GRIK2: variants seen among roughly 807,000 people sequenced by gnomAD.
The protein encoded by GRIK2 is glutamate ionotropic receptor kainate type subunit 2.
Under a neutral mutation model 100.3 loss-of-function variants are expected in GRIK2, and 32 were observed. That is an observed-to-expected ratio of 0.32 (90% CI 0.24 to 0.43). The LOEUF (loss-of-function observed/expected upper bound fraction) is 0.43. Among genes scored for constraint, GRIK2 ranks in the 20% least tolerant of loss-of-function variants. The probability of loss-of-function intolerance (pLI) is 1.00; values close to 1 mark genes in which losing one functional copy is unlikely to be tolerated. For missense variants in GRIK2, 843 were observed against 1,114.9 expected (o/e 0.76, Z 3.47); for synonymous variants, 417 against 389.4 (o/e 1.07, Z -0.83).
intron 10 of GRIK2, among the ~76,000 whole-genome samples, chr6:101,857,962 T>C (rs1272217740): frequency 1.3e-5 from 2 of 152,158 alleles, no homozygotes; most frequent in African/African-American, 2.4e-5. Flanking sequence ...ATTATGTTGG[T>C]CTCAGGGCTT....
intron 12 of GRIK2, among the ~76,000 whole-genome samples, chr6:101,892,769 T>C (rs1195817027): frequency 6.6e-6 from 1 of 151,738 alleles, no homozygotes; most frequent in Non-Finnish European, 1.5e-5. Flanking sequence ...CTTGGTAAAG[T>C]AATAACACAA....
chr6:101,988,162 C>A (rs1369596231), intron 14 of GRIK2, among the ~76,000 whole-genome samples: 1 of 127,826 alleles, frequency 7.8e-6, no homozygotes, highest in Non-Finnish European at 1.7e-5. Flanking sequence ...CGCGTGCGCG[C>A]ACATGCAAGA....
chr6:101,733,632 A>G (rs962377390), intron 7 of GRIK2, among the ~76,000 whole-genome samples: 2 of 151,228 alleles, frequency 1.3e-5, no homozygotes, highest in African/African-American at 4.9e-5. Context: ...TGGTAATATG[A>G]ATAGGCTGAG....
chr6:101,996,008 A>G (rs1794632479), intron 14 of GRIK2, among the ~76,000 whole-genome samples: 1 of 152,046 alleles, frequency 6.6e-6, no homozygotes, highest in Non-Finnish European at 1.5e-5. Flanking sequence ...TCTTTGTAGC[A>G]TCACTGCATG....
At chr6:101,698,671 A>G (rs1312777081) in intron 7 of GRIK2, among the ~76,000 whole-genome samples, 3 of 152,104 alleles carry the variant, frequency 2.0e-5, no homozygotes, top group African/African-American at 7.2e-5. Flanking sequence ...TATGCAATGT[A>G]TGGTATTATA....
chr6:101,835,464 CTTTTTTTTTTTTTTT>C (rs764148146), intron 10 of GRIK2, among the ~76,000 whole-genome samples: 3 of 89,020 alleles, frequency 3.4e-5, no homozygotes. Flanking sequence ...CTATGAGTTC[CTTTTTTTTTTTTTTT>C]TTTTTTTTTG....
intron 2 of GRIK2, among the ~76,000 whole-genome samples, chr6:101,572,222 A>G (rs1298560392): frequency 1.3e-5 from 2 of 152,146 alleles, no homozygotes; most frequent in Admixed American, 6.6e-5. Flanking sequence ...AAATTATCAC[A>G]ATATTTGGTA....
At chr6:102,026,962 C>T (rs996385812) in intron 14 of GRIK2, among the ~76,000 whole-genome samples, 3 of 151,132 alleles carry the variant, frequency 2.0e-5, no homozygotes, top group Non-Finnish European at 3.0e-5. Flanking sequence ...CAGATGAGTC[C>T]AGATAGGGCT....
intron 4 of GRIK2, among the ~76,000 whole-genome samples, chr6:101,663,034 A>T (rs1331284188): frequency 1.3e-5 from 2 of 152,154 alleles, no homozygotes; most frequent in African/African-American, 4.8e-5. Context: ...AAAACCTGAG[A>T]TTCTAAAGAG....
At chr6:101,477,251 A>G (rs1372297324) in intron 2 of GRIK2, among the ~76,000 whole-genome samples, 1 of 152,158 alleles carries the variant, frequency 6.6e-6, no homozygotes, top group Non-Finnish European at 1.5e-5. Flanking sequence ...AACAATGTTT[A>G]AGTATCACTC....
At chr6:101,960,562 A>AT (rs1403205530) in intron 14 of GRIK2, among the ~76,000 whole-genome samples, 1 of 151,888 alleles carries the variant, frequency 6.6e-6, no homozygotes, top group African/African-American at 2.4e-5. Context: ...TTTGGCTTCA[A>AT]TTCTGGGTGC....
chr6:101,653,386 AC>A (rs1781903701), intron 4 of GRIK2, among the ~76,000 whole-genome samples: 1 of 150,610 alleles, frequency 6.6e-6, no homozygotes, highest in Admixed American at 6.6e-5. Context: ...CTTACTCCTC[AC>A]CCCCACCCTG....
chr6:101,778,450 G>A (rs1778882057), intron 7 of GRIK2, among the ~76,000 whole-genome samples: 1 of 152,012 alleles, frequency 6.6e-6, no homozygotes, highest in Admixed American at 6.6e-5. Flanking sequence ...AGCATTTGTA[G>A]CCCAGGCCAC....
chr6:101,619,706 A>G (rs1582837278), intron 2 of GRIK2, among the ~76,000 whole-genome samples: 1 of 151,892 alleles, frequency 6.6e-6, no homozygotes, highest in South Asian at 2.1e-4. Flanking sequence ...TTAGTTAACT[A>G]TTTTTCTGTT....
intron 15 of GRIK2, among the ~76,000 whole-genome samples, chr6:102,047,523 A>G (rs2399582): frequency 0.38 from 58,243 of 151,748 alleles, 11,663 homozygotes; most frequent in Middle Eastern, 0.46. Context: ...GCCGAGCTGG[A>G]TGGATCACAA....
intron 2 of GRIK2, among the ~76,000 whole-genome samples, chr6:101,513,670 C>T (rs1303385458): frequency 1.3e-5 from 2 of 152,088 alleles, no homozygotes; most frequent in East Asian, 1.9e-4. Flanking sequence ...CTGTCTGATG[C>T]GAATTTGTGA....
At chr6:101,791,749 TC>T (rs1779877175) in intron 7 of GRIK2, among the ~76,000 whole-genome samples, 1 of 152,100 alleles carries the variant, frequency 6.6e-6, no homozygotes, top group Non-Finnish European at 1.5e-5. Flanking sequence ...TGAGTTCAAT[TC>T]CTGGGTATCC....
At chr6:101,816,718 A>T (rs942769503) in intron 9 of GRIK2, among the ~76,000 whole-genome samples, 8 of 152,150 alleles carry the variant, frequency 5.3e-5, no homozygotes, top group Non-Finnish European at 1.5e-5. Context: ...AAATTAATTA[A>T]TTTTTAAAAA....
chr6:101,944,116 G>T (rs1231249284), intron 14 of GRIK2, among the ~76,000 whole-genome samples: 1 of 151,952 alleles, frequency 6.6e-6, no homozygotes, highest in Non-Finnish European at 1.5e-5. Flanking sequence ...AAAGTGTGTG[G>T]CACCTACCCC....
Sources: gnomAD v4.1 joint callset for allele counts (sites outside exome capture counted in the v4.1 genomes callset) on GRCh38, gnomAD v4.1.1 for gene constraint, MANE v1.5 for transcripts, NCBI Gene and HGNC (gene_info 2026-07-23, HGNC 2026-07-21) for gene names.